The following GCNT1 variants were observed in gnomAD, a reference collection of about 807,000 sequenced individuals.
GCNT1 encodes beta-1,3-galactosyl-O-glycosyl-glycoprotein beta-1,6-N-acetylglucosaminyltransferase.
GCNT1 carries 16 observed loss-of-function variants against 26.2 expected under a neutral mutation model. The observed-to-expected ratio is 0.61, with a 90% CI of 0.41 to 0.93. GCNT1 has a LOEUF of 0.93. Among genes scored for constraint, GCNT1 ranks in the 40% least tolerant of loss-of-function variants. GCNT1 has a pLI of 0.00. For synonymous variants in GCNT1, 183 were observed against 190.8 expected, an observed-to-expected ratio of 0.96 and a Z score of 0.34; for missense variants, 477 against 526.7, an observed-to-expected ratio of 0.91 and a Z score of 0.92.
In GCNT1 at chr9:76,502,935, T is replaced by C. The variant is rs1192850646; in HGVS notation, c.554T>C (p.Val185Ala). 4 of 1,613,190 alleles carry C rather than the reference T, an allele frequency of 2.5e-6. No individual in the cohort carries two copies. In the Admixed American group the frequency reaches 5.0e-5, roughly 20 times the overall value. Residue 185 changes from valine to alanine, a missense_variant, in exon 4 of 4, where the codon GTG becomes GCG. Physicochemically the swap from Val to Ala is moderately conservative, Grantham distance 64. Coordinates refer to ENST00000376730, the MANE Select transcript of GCNT1 (RefSeq NM_001490.5). Reference protein sequence around the residue: ...NVFVASRLESVVYASWSRVQA... With the variant: ...NVFVASRLESAVYASWSRVQA... ...TTTGTGGCCAGCCGATTGGAGAGTG[T>C]GGTTTATGCATCGTGGAGCCGGGTT...
At chr9:76,407,896 TTA>T in the GCNT1 span, among the ~76,000 whole-genome samples, 4 of 152,222 alleles carry the variant, frequency 2.6e-5, no homozygotes, top group Non-Finnish European at 5.9e-5. Flanking sequence ...GGTATTGATA[TTA>T]TGTTTTAAGT....
the GCNT1 span, among the ~76,000 whole-genome samples, chr9:76,413,960 A>AT: frequency 2.6e-5 from 4 of 151,772 alleles, no homozygotes; most frequent in Non-Finnish European, 4.4e-5. Flanking sequence ...AAGATCAGTG[A>AT]TTTTTTCCTC....
In GCNT1 at chr9:76,505,074, G is replaced by C; in HGVS notation, c.*1406G>C. On this transcript the variant is annotated 3_prime_UTR_variant, in exon 4 of 4. Transcript: ENST00000376730. ...CTCGTACTTTTGCCATGTTGATACT[G>C]TTCAGCAAACAAGCTACCAGGAACT... 2.4e-6 allele frequency: 1 copy of C among 412,222 alleles called. No homozygotes were observed. Among genetic ancestry groups the C allele is most frequent in the Non-Finnish European group, 4.4e-6 (1 of 225,914 alleles). The allele number at this position is 412,222 out of a possible 1,614,324, so 25.5% of individuals were successfully genotyped here.
intron 1 of GCNT1, among the ~76,000 whole-genome samples, chr9:76,427,559 A>G (rs1002152710): frequency 2.6e-5 from 4 of 152,224 alleles, no homozygotes; most frequent in African/African-American, 4.8e-5. Context: ...TTAACCTTAG[A>G]AAGTGAATAC....
chr9:76,431,261 G>T (rs1428226057), intron 1 of GCNT1, among the ~76,000 whole-genome samples: 2 of 152,036 alleles, frequency 1.3e-5, no homozygotes, highest in African/African-American at 4.8e-5. Context: ...ACAAGGTAAG[G>T]CTCAATCCTC....
At chr9:76,480,537 T>C (rs1334922314) in intron 2 of GCNT1, among the ~76,000 whole-genome samples, 1 of 152,320 alleles carries the variant, frequency 6.6e-6, no homozygotes, top group East Asian at 1.9e-4. Flanking sequence ...GTATTTCATC[T>C]TTCCTGCAAA....
intron 2 of GCNT1, among the ~76,000 whole-genome samples, chr9:76,480,822 G>A (rs895073981): frequency 3.3e-5 from 5 of 152,092 alleles, no homozygotes; most frequent in African/African-American, 4.8e-5. Context: ...TCTTCTGTAT[G>A]TAAACTACAC....
In GCNT1 at chr9:76,443,989, GGAAGA is replaced by G. The variant is rs1278161356; in HGVS notation, c.-290+1675_-290+1679del. ...AGGAAGGAAGGAAGGAAGGAAGGAA[GGAAGA>G]AAAAAAGAGCCAGAAGCATTTGTTG... On this transcript the variant is annotated intron_variant, in intron 1 of 2. Coordinates refer to the GCNT1 transcript ENST00000442371. Among the ~76,000 whole-genome samples the G allele has an allele frequency of 3.4e-4, 42 of 123,536 alleles. 1 individual carries two copies. The South Asian group carries it at 0.011, about 32-fold the overall frequency. 81.0% of individuals were successfully genotyped at this position (123,536 alleles called of 152,430 possible).
At chr9:76,440,946 C>T (rs189959249), upstream of GCNT1, among the ~76,000 whole-genome samples, 1 of 151,602 alleles carries the variant, frequency 6.6e-6, no homozygotes, top group Non-Finnish European at 1.5e-5. Flanking sequence ...TGCCTGTAAT[C>T]CCAGCTACTG....
At chr9:76,446,417 TAAA>T (rs1235536774) in intron 1 of GCNT1, among the ~76,000 whole-genome samples, 1 of 152,204 alleles carries the variant, frequency 6.6e-6, no homozygotes, top group Non-Finnish European at 1.5e-5. Context: ...TCTTAGAGTT[TAAA>T]TTCTCCTATC....
At chr9:76,401,157 G>A in the GCNT1 span, among the ~76,000 whole-genome samples, 1 of 152,230 alleles carries the variant, frequency 6.6e-6, no homozygotes, top group Non-Finnish European at 1.5e-5. Flanking sequence ...AGCTGGCTGA[G>A]TGTAAGTGTC....
upstream of GCNT1, among the ~76,000 whole-genome samples, chr9:76,457,056 A>C (rs942804475): frequency 1.9e-4 from 29 of 152,324 alleles, no homozygotes; most frequent in Middle Eastern, 3.4e-3. Context: ...AAGTTAATTC[A>C]TAAATCTATT....
chr9:76,494,981 T>G (rs1306856156), intron 2 of GCNT1, among the ~76,000 whole-genome samples: 1 of 152,114 alleles, frequency 6.6e-6, no homozygotes. Context: ...TTGGGGGTTG[T>G]TAGGTAGCCA....
chr9:76,404,063 G>A, the GCNT1 span, among the ~76,000 whole-genome samples: 1 of 152,178 alleles, frequency 6.6e-6, no homozygotes, highest in African/African-American at 2.4e-5. Context: ...AGGATTTACT[G>A]ATAGTGAAAT....
upstream of GCNT1, among the ~76,000 whole-genome samples, chr9:76,419,604 G>C (rs1198268679): frequency 6.6e-6 from 1 of 152,054 alleles, no homozygotes; most frequent in African/African-American, 2.4e-5. Context: ...GCTGCAGTGA[G>C]CCAATATCAT....
intron 2 of GCNT1, among the ~76,000 whole-genome samples, chr9:76,491,073 T>G (rs1261454012): frequency 1.3e-5 from 2 of 152,214 alleles, no homozygotes; most frequent in African/African-American, 4.8e-5. Context: ...AGATTACACT[T>G]TTTTCTTTAC....
At chr9:76,397,833 A>G in the GCNT1 span, among the ~76,000 whole-genome samples, 2 of 152,202 alleles carry the variant, frequency 1.3e-5, no homozygotes. Context: ...CAATCTGTTG[A>G]TCAAAGCAGA....
intron 2 of GCNT1, among the ~76,000 whole-genome samples, chr9:76,479,357 A>G (rs1824352548): frequency 6.6e-6 from 1 of 152,126 alleles, no homozygotes. Context: ...ATGATTTATA[A>G]TCCTTTGGGT....
chr9:76,488,080 G>A (rs952313144), intron 2 of GCNT1, among the ~76,000 whole-genome samples: 18 of 152,240 alleles, frequency 1.2e-4, no homozygotes, highest in Admixed American at 5.9e-4. Context: ...GACAGTAGCT[G>A]GAATACATTT....
Sources: allele counts gnomAD v4.1 joint callset (sites outside exome capture counted in the v4.1 genomes callset), GRCh38; gene constraint gnomAD v4.1.1; transcripts MANE v1.5; gene names NCBI Gene and HGNC (gene_info 2026-07-23, HGNC 2026-07-21).